Variants in NPAT observed in about 807,000 individuals in gnomAD.
The protein encoded by NPAT is nuclear protein, coactivator of histone transcription.
In NPAT, 52 loss-of-function variants were observed where a neutral mutation model predicts 130.7. That is an observed-to-expected ratio of 0.40 (90% CI 0.32 to 0.50). The LOEUF is 0.50. Among genes scored for constraint, NPAT ranks in the 20% least tolerant of loss-of-function variants. The pLI is 0.68. For synonymous variants in NPAT, 580 were observed against 584.8 expected, an observed-to-expected ratio of 0.99 and a Z score of 0.12; for missense variants, 1,687 against 1,662.6, an observed-to-expected ratio of 1.01 and a Z score of -0.26.
chr11:108,161,501 C>T lies in NPAT; in HGVS notation c.3585G>A (p.Leu1195=). ...GTGAAGCTATAGATTTCTCACTTCG[C>T]AAACCCCCATTTTGCTGCCCAATAG... ...KLSIGQQNGG[L]RSEKSIASLQ... Residue 1195 remains leucine, a synonymous_variant, in exon 17 of 18, where the codon TTG becomes TTA. Transcript: ENST00000278612. 3.1e-6 allele frequency: 5 copies of T among 1,614,208 alleles called. No individual in the cohort carries two copies. Among genetic ancestry groups the T allele is most frequent in the Middle Eastern group, 1.6e-4 (1 of 6,062 alleles).
At position 108,173,653 on chromosome 11, in the gene NPAT, A is replaced by T; in HGVS notation, c.1331T>A (p.Phe444Tyr). The T allele has an allele frequency of 6.2e-7, 1 of 1,614,202 alleles. No homozygotes were observed. Reference sequence around the variant, plus strand: ...GTCATTCAAATTAGGCACGGACTCAAAGGTAATGTCAATGTCACACTTCTG... The same window carrying T: ...GTCATTCAAATTAGGCACGGACTCATAGGTAATGTCAATGTCACACTTCTG... Reference protein sequence around the residue: ...TEQKCDIDITFESVPNLNDFN... With the variant: ...TEQKCDIDITYESVPNLNDFN... Residue 444 changes from phenylalanine (F) to tyrosine (Y), a missense_variant, in exon 13 of 18, where the codon TTT becomes TAT. Coordinates refer to ENST00000278612, the MANE Select transcript of NPAT (RefSeq NM_002519.3).
intron 10 of NPAT, among the ~76,000 whole-genome samples, chr11:108,179,789 T>C (rs923911845): frequency 6.6e-6 from 1 of 151,330 alleles, no homozygotes; most frequent in African/African-American, 2.4e-5. Flanking sequence ...CCTCTATAAA[T>C]AGAAATAAAT....
At chr11:108,167,036 A>G (rs2077908194) in intron 15 of NPAT, among the ~76,000 whole-genome samples, 2 of 152,166 alleles carry the variant, frequency 1.3e-5, no homozygotes, top group African/African-American at 4.8e-5. Flanking sequence ...TATTTTGTAT[A>G]ACACTTAATA....
At chr11:108,199,109 C>T (rs766160949) in intron 1 of NPAT, among the ~76,000 whole-genome samples, 8 of 152,204 alleles carry the variant, frequency 5.3e-5, no homozygotes, top group East Asian at 1.9e-4. Context: ...CTGCCACCTC[C>T]GTTTGCCATG....
chr11:108,161,528 T>C lies in NPAT; in HGVS notation c.3558A>G (p.Leu1186=), dbSNP rs1289096489. 8 of 1,614,220 alleles carry C rather than the reference T, an allele frequency of 5.0e-6. No homozygotes were observed. In the African/African-American group the frequency reaches 8.0e-5, roughly 16 times the overall value. Residue 1186 remains leucine (L), a synonymous_variant, in exon 17 of 18, where the codon CTA becomes CTG. Transcript: ENST00000278612. The stretch of plus-strand genomic sequence containing the variant: ...AACCCCCATTTTGCTGCCCAATAGA[T>C]AGTTTTGAATTTTCTGGATTTTTCT... ...ERQKNPENSK[L]SIGQQNGGLR... is the part of the protein sequence containing the mutation.
chr11:108,210,793 AACACCAATCCTTT>A (rs1358753899), intron 1 of NPAT, among the ~76,000 whole-genome samples: 3 of 152,248 alleles, frequency 2.0e-5, no homozygotes, highest in African/African-American at 4.8e-5. Context: ...CATTGAATGA[AACACCAATCCTTT>A]ACAAACTCTT....
At chr11:108,197,185 A>G (rs1290882504) in intron 2 of NPAT, 117 bp downstream of exon 2, 3 of 787,842 alleles carry the variant, frequency 3.8e-6, no homozygotes, top group South Asian at 2.8e-5. Context: ...ATGCATGAAT[A>G]TAAACCACCA....
intron 10 of NPAT, 54 bp downstream of exon 10, chr11:108,185,178 A>G (rs2078094245): frequency 8.4e-7 from 1 of 1,187,984 alleles, no homozygotes; most frequent in Non-Finnish European, 1.2e-6. Context: ...AATTACCATC[A>G]ATCTTAAGTA....
Position 108,176,214 on chromosome 11 carries a change from G to A in NPAT, c.1132+32C>T, listed in dbSNP as rs776846938. The A allele has an allele frequency of 4.5e-5, 65 of 1,454,066 alleles. No homozygotes were observed. The East Asian group carries it at 1.5e-3, about 33-fold the overall frequency. 90.1% of individuals were successfully genotyped at this position (1,454,066 alleles called of 1,614,324 possible). The stretch of plus-strand genomic sequence containing the variant: ...ATTTTGAGACTAATATTAAGATTTG[G>A]ATTGATGATATTAACAAAATTAAAT... On this transcript the variant is annotated intron_variant, in intron 12 of 17. Coordinates refer to ENST00000278612, the MANE Select transcript of NPAT (RefSeq NM_002519.3).
intron 1 of NPAT, among the ~76,000 whole-genome samples, chr11:108,198,518 G>A (rs2078245469): frequency 1.3e-5 from 2 of 152,020 alleles, no homozygotes; most frequent in South Asian, 2.1e-4. Flanking sequence ...CAGACGGGTA[G>A]GGTACCCGGT....
rs779697396 is a variant in NPAT, at chr11:108,194,015, G to A, written c.159C>T (p.Ser53=). The change falls in exon 3 of 18, where the codon TCC becomes TCT. Residue 53 remains serine, a splice_region_variant and synonymous_variant. Coordinates refer to ENST00000278612, the MANE Select transcript of NPAT (RefSeq NM_002519.3). ...TTGTTGTCAAGTTTTTTCCAAATAAGGACTGAAAAGAAAAAGATCAAATAT... is the reference window on the plus strand; with the variant it reads ...TTGTTGTCAAGTTTTTTCCAAATAAAGACTGAAAAGAAAAAGATCAAATAT... ...DEGFIPACLL[S]LFGKNLTTIL... 12 of 1,483,054 alleles carry A rather than the reference G, an allele frequency of 8.1e-6. No homozygotes were observed. The highest frequency in any genetic ancestry group is 1.1e-5 in the Non-Finnish European group (12 of 1,063,432). 91.9% of individuals were successfully genotyped at this position (1,483,054 alleles called of 1,614,324 possible).
chr11:108,183,233 T>A (rs2078074168), intron 10 of NPAT, among the ~76,000 whole-genome samples: 1 of 152,208 alleles, frequency 6.6e-6, no homozygotes, highest in Non-Finnish European at 1.5e-5. Context: ...GCAGTCCTCC[T>A]GCCTTGGCCT....
In NPAT at chr11:108,161,956, T is replaced by C. The variant is rs988848773; in HGVS notation, c.3130A>G (p.Thr1044Ala). 9 of 1,603,694 alleles carry C rather than the reference T, an allele frequency of 5.6e-6. No individual in the cohort carries two copies. Among genetic ancestry groups the C allele is most frequent in the African/African-American group, 1.3e-5 (1 of 74,254 alleles). The change falls in exon 17 of 18, where the codon ACA (threonine) becomes GCA (alanine). Residue 1044 changes from threonine (T) to alanine (A), a missense_variant. By Grantham distance (58) the Thr-to-Ala change is moderately conservative. Transcript: ENST00000278612. Reference sequence around the variant, plus strand: ...ATACTCTCTTCTGGGAAGGGAACTGTGGTTTCTTCTGATTTTTTCCCAAGA... The same window carrying C: ...ATACTCTCTTCTGGGAAGGGAACTGCGGTTTCTTCTGATTTTTTCCCAAGA... ...TDLGKKSEET[T>A]VPFPEESIVP...
chr11:108,198,814 C>G (rs953575469), intron 1 of NPAT, among the ~76,000 whole-genome samples: 1 of 152,186 alleles, frequency 6.6e-6, no homozygotes, highest in Non-Finnish European at 1.5e-5. Flanking sequence ...CCTCTCGTGT[C>G]GAGAGCTGTT....
chr11:108,209,034 C>T (rs1315520819), intron 1 of NPAT, among the ~76,000 whole-genome samples: 2 of 151,830 alleles, frequency 1.3e-5, no homozygotes, highest in East Asian at 1.9e-4. Context: ...AATCCCAGCA[C>T]GTTGGGAGGC....
chr11:108,194,735 G>A (rs1239870765), intron 2 of NPAT, among the ~76,000 whole-genome samples: 2 of 152,034 alleles, frequency 1.3e-5, no homozygotes, highest in African/African-American at 2.4e-5. Flanking sequence ...CTATAGCCTC[G>A]AACTCCTGGC....
intron 1 of NPAT, among the ~76,000 whole-genome samples, chr11:108,199,828 C>A (rs1458595090): frequency 6.6e-6 from 1 of 152,212 alleles, no homozygotes; most frequent in Non-Finnish European, 1.5e-5. Flanking sequence ...CCTGGACTGG[C>A]CCCAATCCCC....
chr11:108,182,150 A>G (rs1380351074), intron 10 of NPAT, among the ~76,000 whole-genome samples: 1 of 152,152 alleles, frequency 6.6e-6, no homozygotes, highest in East Asian at 1.9e-4. Context: ...AGGCTGAGCC[A>G]GATTCTTAAA....
At chr11:108,175,636 G>A (rs2077998545) in intron 12 of NPAT, among the ~76,000 whole-genome samples, 1 of 152,160 alleles carries the variant, frequency 6.6e-6, no homozygotes, top group Admixed American at 6.5e-5. Flanking sequence ...TGGAGAATTG[G>A]ACTTGATTGT....
Sources: allele counts gnomAD v4.1 joint callset (sites outside exome capture counted in the v4.1 genomes callset), GRCh38; gene constraint gnomAD v4.1.1; transcripts MANE v1.5; gene names NCBI Gene and HGNC (gene_info 2026-07-23, HGNC 2026-07-21).